PXYLP1: variants seen among roughly 807,000 people sequenced by gnomAD.
PXYLP1 encodes 2-phosphoxylose phosphatase 1.
PXYLP1 carries 17 observed loss-of-function variants against 37.9 expected under a neutral mutation model. The ratio of observed to expected loss-of-function variants is 0.45; its 90% CI spans 0.31 to 0.67. PXYLP1 has a LOEUF of 0.67. Ranked by LOEUF, PXYLP1 falls within the 30% of genes least tolerant of loss-of-function variation. PXYLP1 has a pLI of 0.07. For missense variants in PXYLP1, 511 were observed against 612.0 expected, an observed-to-expected ratio of 0.84 and a Z score of 1.74; for synonymous variants, 221 against 232.2, an observed-to-expected ratio of 0.95 and a Z score of 0.44.
At chr3:141,264,752 AC>A (rs1158259018) in intron 2 of PXYLP1, among the ~76,000 whole-genome samples, 1 of 152,160 alleles carries the variant, frequency 6.6e-6, no homozygotes. Context: ...CAGCTATGTG[AC>A]CTCAGGCAAC....
intron 1 of PXYLP1, chr3:141,234,907 G>C (rs1940623323): frequency 6.6e-6 from 1 of 152,254 alleles, no homozygotes; most frequent in Non-Finnish European, 1.5e-5. Context: ...AATTCCTGCA[G>C]CTGGTGAAAA....
At position 141,253,222 on chromosome 3, in the gene PXYLP1, G is replaced by A. The variant is rs554320401; in HGVS notation, c.-53-6901G>A. Among the ~76,000 whole-genome samples, 3 of 152,326 alleles carry A rather than the reference G, an allele frequency of 2.0e-5. No individual in the cohort carries two copies. In the South Asian group the frequency reaches 6.2e-4, roughly 32 times the overall value. On this transcript the variant is annotated intron_variant, in intron 1 of 5. Transcript: ENST00000286353. ...CTGATGGTAGGACACCTTGAGGTCA[G>A]TGGGGAAGCTGGCCTGGGTAGAGGG... is the stretch of plus-strand genomic sequence containing the variant.
At chr3:141,279,632 G>A (rs1941898949) in intron 4 of PXYLP1, 128 bp downstream of exon 4, 2 of 1,160,508 alleles carry the variant, frequency 1.7e-6, no homozygotes, top group South Asian at 2.9e-5. Flanking sequence ...AGTCCTACAT[G>A]TGAGTGCCAT....
chr3:141,250,668 G>T (rs1941120912), intron 1 of PXYLP1, among the ~76,000 whole-genome samples: 1 of 152,244 alleles, frequency 6.6e-6, no homozygotes, highest in Non-Finnish European at 1.5e-5. Context: ...TTTGCCCATG[G>T]CTGAGTATGG....
intron 2 of PXYLP1, among the ~76,000 whole-genome samples, chr3:141,263,307 C>A (rs1432873800): frequency 1.3e-5 from 2 of 152,184 alleles, no homozygotes; most frequent in Non-Finnish European, 2.9e-5. Context: ...AAAATATGTT[C>A]ATCTTAAATG....
rs758739360 is a variant in PXYLP1 at position 141,293,252 on chromosome 3, A to T, written c.*47A>T. 1 of 1,530,178 alleles carries T rather than the reference A, an allele frequency of 6.5e-7. No homozygotes were observed. Among genetic ancestry groups the T allele is most frequent in the Admixed American group, 2.0e-5 (1 of 50,754 alleles). The allele number at this position is 1,530,178 out of a possible 1,614,324, so 94.8% of individuals were successfully genotyped here. A position where few individuals can be genotyped will look rare whatever the true frequency, so the allele number is the denominator to read the frequency against. On this transcript the variant is annotated 3_prime_UTR_variant, in exon 6 of 6. Coordinates refer to ENST00000286353, the MANE Select transcript of PXYLP1 (RefSeq NM_001037172.3). ...TAGAATCCATGCCAATACAGAGCAT[A>T]GGGAAAGGTCCACTTCTAGTTTTGT...
At chr3:141,277,719 G>T (rs892239238) in intron 2 of PXYLP1, among the ~76,000 whole-genome samples, 1 of 152,192 alleles carries the variant, frequency 6.6e-6, no homozygotes, top group Admixed American at 6.5e-5. Flanking sequence ...GAGGGTAGTA[G>T]ATGGACAAGC....
At chr3:141,249,403 T>C (rs1359982353) in intron 1 of PXYLP1, among the ~76,000 whole-genome samples, 2 of 151,694 alleles carry the variant, frequency 1.3e-5, no homozygotes, top group East Asian at 3.9e-4. Context: ...ATGCAGGCCT[T>C]GATAACCTGT....
Position 141,233,481 on chromosome 3 carries a change from A to C in PXYLP1, c.-54+1570A>C, listed in dbSNP as rs1490792258. 4.6e-5 allele frequency among the ~76,000 whole-genome samples: 7 copies of C among 151,938 alleles called. No individual in the cohort carries two copies. The South Asian group carries it at 6.2e-4, about 14-fold the overall frequency. On this transcript the variant is annotated intron_variant, in intron 1 of 5. Coordinates refer to ENST00000286353, the MANE Select transcript of PXYLP1 (RefSeq NM_001037172.3). ...ACCCTGTCAAAAAAAAAAAAAAAAA[A>C]AAAACCCTCGTGGTCCCTGGAGAGA...
In PXYLP1 at chr3:141,274,291, C is replaced by T. The variant is rs1015132977; in HGVS notation, c.80-4051C>T. 8.2e-6 allele frequency: 11 copies of T among 1,344,764 alleles called. No homozygotes were observed. The East Asian group carries it at 3.2e-4, about 39-fold the overall frequency. The allele number at this position is 1,344,764 out of a possible 1,614,324, so 83.3% of individuals were successfully genotyped here. On this transcript the variant is annotated intron_variant, in intron 2 of 5. Coordinates refer to ENST00000286353, the MANE Select transcript of PXYLP1 (RefSeq NM_001037172.3). ...GGGTCTGCTCCTCCAGGCCCCTTCC[C>T]AGCCTTCCTCCTGGAGCCCGGCCTG...
intron 2 of PXYLP1, among the ~76,000 whole-genome samples, chr3:141,277,976 A>G (rs936483680): frequency 6.6e-6 from 1 of 152,180 alleles, no homozygotes; most frequent in Non-Finnish European, 1.5e-5. Context: ...TCAATGAGGA[A>G]TGATGGTTTT....
At chr3:141,247,125 C>T (rs1207513840) in intron 1 of PXYLP1, among the ~76,000 whole-genome samples, 1 of 152,240 alleles carries the variant, frequency 6.6e-6, no homozygotes, top group East Asian at 1.9e-4. Flanking sequence ...TTTGACATTC[C>T]AGGCACCTGC....
At chr3:141,257,763 G>T (rs774830081) in intron 1 of PXYLP1, among the ~76,000 whole-genome samples, 2 of 152,088 alleles carry the variant, frequency 1.3e-5, no homozygotes, top group South Asian at 2.1e-4. Context: ...TTAGTCGGGT[G>T]TGTGGTGGCA....
At chr3:141,245,731 A>G (rs1421688339) in intron 1 of PXYLP1, among the ~76,000 whole-genome samples, 1 of 152,218 alleles carries the variant, frequency 6.6e-6, no homozygotes, top group Non-Finnish European at 1.5e-5. Context: ...TCAGAATTAG[A>G]TATTTGCTCA....
intron 4 of PXYLP1, among the ~76,000 whole-genome samples, chr3:141,285,144 CT>C (rs147495598): frequency 3.0e-4 from 24 of 78,796 alleles, no homozygotes; most frequent in East Asian, 1.7e-3. Flanking sequence ...TTTTCTTTTT[CT>C]TTTTTTTTTT....
intron 4 of PXYLP1, among the ~76,000 whole-genome samples, chr3:141,286,560 G>A (rs150950831): frequency 6.7e-4 from 102 of 152,290 alleles, no homozygotes; most frequent in African/African-American, 1.9e-3. Context: ...AATGAGGTGC[G>A]TTGTGTGTTG....
rs1269531800 is a variant in PXYLP1 at position 141,248,629 on chromosome 3, A to G, written c.-53-11494A>G. 3.6e-4 allele frequency among the ~76,000 whole-genome samples: 40 copies of G among 112,582 alleles called. 3 individuals carry two copies. The highest frequency in any genetic ancestry group is 9.9e-4 in the African/African-American group (20 of 20,152). 73.9% of individuals were successfully genotyped at this position (112,582 alleles called of 152,430 possible). A position where few individuals can be genotyped will look rare whatever the true frequency, so the allele number is the denominator to read the frequency against. On this transcript the variant is annotated intron_variant, in intron 1 of 5. Coordinates refer to ENST00000286353, the MANE Select transcript of PXYLP1 (RefSeq NM_001037172.3). The stretch of plus-strand genomic sequence containing the variant: ...TACACACGTATATATACACACACGT[A>G]TATATACACACGTGTATATATACAC...
At position 141,292,848 on chromosome 3, in the gene PXYLP1, T is replaced by C; in HGVS notation, c.1086T>C (p.Arg362=). 3.1e-6 allele frequency: 5 copies of C among 1,614,120 alleles called. No individual in the cohort carries two copies. Among genetic ancestry groups the C allele is most frequent in the Non-Finnish European group, 4.2e-6 (5 of 1,180,006 alleles). The change falls in exon 6 of 6, where the codon CGT becomes CGC. Residue 362 remains arginine, a synonymous_variant. Coordinates refer to ENST00000286353, the MANE Select transcript of PXYLP1 (RefSeq NM_001037172.3). This position sits in a 1 kb window ranked among gnomAD's most constrained non-coding sequence, Gnocchi z 4.3. ...ILNQTIGRMQ[R]ATEGRKEELF... is the part of the protein sequence containing the mutation. ...ACCAAACCATCGGCCGGATGCAGCGTGCCACCGAGGGCAGGAAAGAAGAGC... is the reference window on the plus strand; with the variant it reads ...ACCAAACCATCGGCCGGATGCAGCGCGCCACCGAGGGCAGGAAAGAAGAGC...
chr3:141,259,578 T>C (rs1297141579), intron 1 of PXYLP1, among the ~76,000 whole-genome samples: 2 of 152,148 alleles, frequency 1.3e-5, no homozygotes, highest in Non-Finnish European at 2.9e-5. Flanking sequence ...AATTAGCAGA[T>C]GGAGCTAGTC....
Sources: gnomAD v4.1 joint callset for allele counts (sites outside exome capture counted in the v4.1 genomes callset) on GRCh38, gnomAD v4.1.1 for gene constraint, Gnocchi (gnomAD v3.1) non-coding constraint, MANE v1.5 for transcripts, NCBI Gene and HGNC (gene_info 2026-07-23, HGNC 2026-07-21) for gene names.